Variants in ZNF350 observed in about 807,000 individuals in gnomAD.
The protein encoded by ZNF350 is zinc finger protein 350, also known as KRAB zinc finger protein ZFQR.
ZNF350 carries 5 observed loss-of-function variants against 13.1 expected under a neutral mutation model. The observed-to-expected ratio is 0.38, with a 90% CI of 0.20 to 0.80. The LOEUF (loss-of-function observed/expected upper bound fraction) is 0.80, where lower values mean the gene tolerates loss of function less well. ZNF350 is among the 30% of genes least tolerant of loss of function. The probability of loss-of-function intolerance (pLI) is 0.43; values close to 1 mark genes in which losing one functional copy is unlikely to be tolerated. For synonymous variants in ZNF350, 199 were observed against 224.2 expected (o/e 0.89, Z 1.00); for missense variants, 534 against 644.2 (o/e 0.83, Z 1.85).
chr19:51,980,686 G>C (rs2086012511), intron 1 of ZNF350, among the ~76,000 whole-genome samples: 1 of 152,190 alleles, frequency 6.6e-6, no homozygotes, highest in Non-Finnish European at 1.5e-5. Flanking sequence ...GTGGGACCTT[G>C]TGAAAGCCCA....
At chr19:51,968,488 A>C in intron 4 of ZNF350, 90 bp downstream of exon 4, 2 of 1,113,442 alleles carry the variant, frequency 1.8e-6, no homozygotes, top group Non-Finnish European at 2.8e-6. Flanking sequence ...AACTGTTTAC[A>C]TATCCTCAAA....
At chr19:51,978,532 G>A (rs1417704372) in intron 1 of ZNF350, among the ~76,000 whole-genome samples, 2 of 152,114 alleles carry the variant, frequency 1.3e-5, no homozygotes, top group Non-Finnish European at 2.9e-5. Context: ...CCCATGAAAA[G>A]AGAAATGAGG....
chr19:51,984,878 G>A (rs2086131981), intron 1 of ZNF350, among the ~76,000 whole-genome samples: 1 of 152,024 alleles, frequency 6.6e-6, no homozygotes, highest in Admixed American at 6.6e-5. Context: ...CAACAGGAAA[G>A]ACCCTCACCA....
intron 1 of ZNF350, among the ~76,000 whole-genome samples, chr19:51,979,540 TTGAG>T (rs2122945056): frequency 6.6e-6 from 1 of 152,290 alleles, no homozygotes; most frequent in South Asian, 2.1e-4. Flanking sequence ...TCAAACATGG[TTGAG>T]TCACTATGGA....
rs1024892554 is a variant in ZNF350 at position 51,964,675 on chromosome 19, C to G, written c.*179G>C. On this transcript the variant is annotated 3_prime_UTR_variant, in exon 5 of 5. Transcript: ENST00000243644. ...TTTAATTGACACAGTCGAGCAATTG[C>G]TGTGTATGTGCTTAGGTTAACATCA... The G allele has an allele frequency of 2.4e-5, 15 of 634,618 alleles. No individual in the cohort carries two copies. Among genetic ancestry groups the G allele is most frequent in the Non-Finnish European group, 3.6e-5 (14 of 385,452 alleles). The allele number at this position is 634,618 out of a possible 1,614,324, so 39.3% of individuals were successfully genotyped here.
At chr19:51,985,320 A>C (rs888253702) in intron 1 of ZNF350, among the ~76,000 whole-genome samples, 1 of 152,226 alleles carries the variant, frequency 6.6e-6, no homozygotes, top group Non-Finnish European at 1.5e-5. Flanking sequence ...TTTATACTGG[A>C]AAGTTGAGCC....
rs371207738 is a variant in ZNF350 at position 51,980,017 on chromosome 19, CTG to C, written c.-171-5488_-171-5487del. ...GAATGGCAACATCTGGATTGGAACA[CTG>C]TCTAATAATAGCAATAGTAAGCAAC... On this transcript the variant is annotated intron_variant, in intron 1 of 4. Transcript: ENST00000243644. Among the ~76,000 whole-genome samples the C allele has an allele frequency of 3.4e-3, 516 of 152,332 alleles. 2 individuals carry two copies. Among genetic ancestry groups the C allele is most frequent in the Middle Eastern group, 0.014 (4 of 294 alleles).
At chr19:51,967,982 GC>G (rs1010436739) in intron 4 of ZNF350, among the ~76,000 whole-genome samples, 3 of 152,280 alleles carry the variant, frequency 2.0e-5, no homozygotes, top group African/African-American at 7.2e-5. Context: ...CCTCCAGGGA[GC>G]GGAAGGAGTT....
chr19:51,981,072 G>A (rs1038226147), intron 1 of ZNF350: 2 of 152,174 alleles, frequency 1.3e-5, no homozygotes, highest in Non-Finnish European at 2.9e-5. Flanking sequence ...TTCTGCTGGA[G>A]GCTATATGAT....
chr19:51,978,083 C>G (rs1359574184), intron 1 of ZNF350, among the ~76,000 whole-genome samples: 1 of 152,126 alleles, frequency 6.6e-6, no homozygotes, highest in African/African-American at 2.4e-5. Context: ...CTACCCAGTG[C>G]TGCTCAAAAT....
chr19:51,973,326 A>G (rs541991930), intron 2 of ZNF350: 3 of 152,242 alleles, frequency 2.0e-5, no homozygotes, highest in East Asian at 1.9e-4. Flanking sequence ...TCTTAGGTCC[A>G]CACCCTCCCA....
chr19:51,971,150 C>G (rs2085725517), intron 2 of ZNF350, among the ~76,000 whole-genome samples: 1 of 152,044 alleles, frequency 6.6e-6, no homozygotes, highest in Non-Finnish European at 1.5e-5. Flanking sequence ...CATTGAAGAC[C>G]CAGGGAACAG....
chr19:51,965,162 C>T lies in ZNF350; in HGVS notation c.1291G>A (p.Ala431Thr). ...KRIHTREKQE[A>T]AKVENPPAER... ...GCAGGAGGATTTTCCACCTTGGCTG[C>T]CTCTTGTTTCTCCCTTGTGTGTATT... Residue 431 changes from alanine (A) to threonine (T), a missense_variant, in exon 5 of 5, where the codon GCA (alanine) becomes ACA (threonine). Ala to Thr is a moderately conservative substitution (Grantham distance 58). Coordinates refer to ENST00000243644, the MANE Select transcript of ZNF350 (RefSeq NM_021632.4). 2 of 1,614,184 alleles carry T rather than the reference C, an allele frequency of 1.2e-6. No individual in the cohort carries two copies. Among genetic ancestry groups the T allele is most frequent in the Non-Finnish European group, 1.7e-6 (2 of 1,180,032 alleles).
At chr19:51,986,302 G>C (rs1439589914) in intron 1 of ZNF350, among the ~76,000 whole-genome samples, 1 of 152,084 alleles carries the variant, frequency 6.6e-6, no homozygotes, top group Non-Finnish European at 1.5e-5. Flanking sequence ...CCAAAGTCTC[G>C]AAAGCTTCAG....
At chr19:51,980,305 C>A (rs1278944927) in intron 1 of ZNF350, among the ~76,000 whole-genome samples, 1 of 152,200 alleles carries the variant, frequency 6.6e-6, no homozygotes, top group Non-Finnish European at 1.5e-5. Context: ...GCTGCCACAC[C>A]TGCTTTGCAT....
chr19:51,968,818 T>G (rs1215765971), intron 3 of ZNF350, 145 bp from the exon 4 acceptor site: 1 of 1,442,596 alleles, frequency 6.9e-7, no homozygotes, highest in Non-Finnish European at 9.5e-7. Context: ...AAGTTTCGTT[T>G]CATATCTGTA....
intron 1 of ZNF350, among the ~76,000 whole-genome samples, chr19:51,977,746 C>CA (rs1310186287): frequency 3.3e-5 from 5 of 152,204 alleles, no homozygotes; most frequent in Admixed American, 2.0e-4. Flanking sequence ...TTTGAGAATG[C>CA]AAACGTGTAC....
rs150626615 is a variant in ZNF350 at position 51,965,915 on chromosome 19, C to G, written c.538G>C (p.Ala180Pro). ...ERLHTAIKFPASQKLISTKSQ... is the reference protein window; with the variant it reads ...ERLHTAIKFPPSQKLISTKSQ... Reference sequence around the variant, plus strand: ...TTAGTGCTGATGAGTTTTTGACTTGCAGGGAATTTAATTGCAGTATGAAGT... The same window carrying G: ...TTAGTGCTGATGAGTTTTTGACTTGGAGGGAATTTAATTGCAGTATGAAGT... Residue 180 changes from alanine (A) to proline (P), a missense_variant, in exon 5 of 5, where the codon GCA (alanine) becomes CCA (proline). By Grantham distance (27) the Ala-to-Pro change is conservative (BLOSUM62 -1). Transcript: ENST00000243644. The G allele has an allele frequency of 6.6e-4, 1,061 of 1,614,054 alleles. 16 individuals carry two copies. In the South Asian group the frequency reaches 7.4e-3, roughly 11 times the overall value.
chr19:51,967,029 T>C (rs1337587642), intron 4 of ZNF350, among the ~76,000 whole-genome samples: 4 of 152,190 alleles, frequency 2.6e-5, no homozygotes, highest in South Asian at 4.1e-4. Flanking sequence ...TAAAACTCCA[T>C]GTTTAATGTT....
Sources: gnomAD v4.1 joint callset for allele counts (sites outside exome capture counted in the v4.1 genomes callset) on GRCh38, gnomAD v4.1.1 for gene constraint, MANE v1.5 for transcripts, NCBI Gene and HGNC (gene_info 2026-07-23, HGNC 2026-07-21) for gene names.